PTPRJ: variants seen among roughly 807,000 people sequenced by gnomAD.
PTPRJ encodes protein tyrosine phosphatase receptor type J.
In PTPRJ, 129 loss-of-function variants were observed where a neutral mutation model predicts 141.3. The ratio of observed to expected loss-of-function variants is 0.91; its 90% CI spans 0.79 to 1.06. The LOEUF is 1.06. Among genes scored for constraint, PTPRJ ranks in the 50% least tolerant of loss-of-function variants. The pLI is 0.00. For missense variants in PTPRJ, 1,601 were observed against 1,679.7 expected (o/e 0.95, Z 0.82); for synonymous variants, 610 against 640.5 (o/e 0.95, Z 0.72).
intron 1 of PTPRJ, among the ~76,000 whole-genome samples, chr11:48,056,914 A>G (rs114678042): frequency 7.3e-4 from 111 of 152,380 alleles, no homozygotes; most frequent in African/African-American, 2.7e-3. Context: ...AGATTGTGCT[A>G]TAGCACTCCA....
At chr11:48,061,967 A>G (rs1854944099) in intron 1 of PTPRJ, among the ~76,000 whole-genome samples, 1 of 143,478 alleles carries the variant, frequency 7.0e-6, no homozygotes, top group Admixed American at 7.4e-5. Flanking sequence ...CCCAGACTGG[A>G]GTGCAGTGGT....
intron 1 of PTPRJ, among the ~76,000 whole-genome samples, chr11:48,090,345 G>T (rs1855835541): frequency 6.6e-6 from 1 of 152,182 alleles, no homozygotes; most frequent in South Asian, 2.1e-4. Context: ...AGTAGGAGGT[G>T]GTTTCTCCCT....
chr11:48,130,843 A>G (rs1186629633), intron 8 of PTPRJ, 127 bp downstream of exon 8: 3 of 1,040,156 alleles, frequency 2.9e-6, no homozygotes, highest in Non-Finnish European at 1.3e-6. Flanking sequence ...AAAAATTTTC[A>G]TAACACTAAT....
chr11:47,987,336 A>G (rs1243574457), intron 1 of PTPRJ, among the ~76,000 whole-genome samples: 1 of 152,234 alleles, frequency 6.6e-6, no homozygotes, highest in Admixed American at 6.5e-5. Context: ...TTGTTTAAAT[A>G]TCATAAAAAG....
In PTPRJ at chr11:48,087,438, A is replaced by C. The variant is rs1337042734; in HGVS notation, c.97-22620A>C. Among the ~76,000 whole-genome samples, 3 of 152,218 alleles carry C rather than the reference A, an allele frequency of 2.0e-5. No homozygotes were observed. The East Asian group carries it at 5.8e-4, about 29-fold the overall frequency. ...AAGTACTTTTTATTTAGCATAGTAC[A>C]AAGTTGTGGCCCTCTGTCAACCCTT... On this transcript the variant is annotated intron_variant, in intron 1 of 24. Transcript: ENST00000418331.
At chr11:48,008,315 C>T (rs1439674211) in intron 1 of PTPRJ, among the ~76,000 whole-genome samples, 1 of 152,218 alleles carries the variant, frequency 6.6e-6, no homozygotes, top group Admixed American at 6.5e-5. Context: ...GGCTGGAGTG[C>T]AGTGGCGTGA....
intron 1 of PTPRJ, among the ~76,000 whole-genome samples, chr11:48,001,643 A>G (rs1854501523): frequency 6.6e-6 from 1 of 152,168 alleles, no homozygotes; most frequent in African/African-American, 2.4e-5. Context: ...TGGCTGAGTG[A>G]ATCCTCATGA....
intron 1 of PTPRJ, among the ~76,000 whole-genome samples, chr11:48,098,739 C>T (rs1168095376): frequency 1.6e-4 from 3 of 18,570 alleles, no homozygotes; most frequent in Admixed American, 1.1e-3. Context: ...CAGGATGGTC[C>T]CGATCTCCTG....
chr11:48,116,061 A>G (rs1217511010), intron 3 of PTPRJ, among the ~76,000 whole-genome samples: 1 of 152,172 alleles, frequency 6.6e-6, no homozygotes, highest in Non-Finnish European at 1.5e-5. Context: ...GTAAGTTCTT[A>G]CCTATCAATA....
At chr11:47,985,812 T>C (rs2134172915) in intron 1 of PTPRJ, among the ~76,000 whole-genome samples, 1 of 152,320 alleles carries the variant, frequency 6.6e-6, no homozygotes, top group South Asian at 2.1e-4. Context: ...GCGATTCTCC[T>C]GCCTCAGCCT....
intron 1 of PTPRJ, chr11:48,096,813 T>G (rs190080389): frequency 6.5e-6 from 1 of 154,740 alleles, no homozygotes; most frequent in Non-Finnish European, 1.5e-5. Context: ...GAGGCCCAGA[T>G]TGAAGTTGAA....
At position 48,168,621 on chromosome 11, in the gene PTPRJ, G is replaced by C. The variant is rs974657862; in HGVS notation, c.*1259G>C. 3.8e-5 allele frequency: 5 copies of C among 132,314 alleles called. No individual in the cohort carries two copies. The highest frequency in any genetic ancestry group is 8.7e-5 in the African/African-American group (3 of 34,616). The allele number at this position is 132,314 out of a possible 1,614,324, so 8.2% of individuals were successfully genotyped here. On this transcript the variant is annotated 3_prime_UTR_variant, in exon 25 of 25. Transcript: ENST00000418331. Reference sequence around the variant, plus strand: ...AAAACAGTCATTCCTATGAATTGAGGTGTACAAAGTTTGAATTTGTATCAA... The same window carrying C: ...AAAACAGTCATTCCTATGAATTGAGCTGTACAAAGTTTGAATTTGTATCAA...
At chr11:48,129,557 G>C (rs1856922330) in intron 7 of PTPRJ, among the ~76,000 whole-genome samples, 1 of 152,068 alleles carries the variant, frequency 6.6e-6, no homozygotes, top group Non-Finnish European at 1.5e-5. Flanking sequence ...TACACATTTG[G>C]GGGTGAGGGA....
intron 1 of PTPRJ, among the ~76,000 whole-genome samples, chr11:48,010,360 G>A (rs1322418732): frequency 6.6e-6 from 1 of 151,584 alleles, no homozygotes; most frequent in Non-Finnish European, 1.5e-5. Context: ...TATATTTTTA[G>A]TAGAGATAGG....
chr11:48,078,802 T>G (rs897735700), intron 1 of PTPRJ, among the ~76,000 whole-genome samples: 6 of 144,024 alleles, frequency 4.2e-5, no homozygotes, highest in Admixed American at 4.1e-4. Context: ...ATAGTTTTTT[T>G]TTTTTTTTTT....
intron 1 of PTPRJ, among the ~76,000 whole-genome samples, chr11:48,024,440 C>T (rs918472635): frequency 2.0e-5 from 3 of 152,174 alleles, no homozygotes; most frequent in African/African-American, 7.2e-5. Context: ...TCAAGTGATC[C>T]ACCTGCCTTG....
chr11:48,118,276 G>T (rs1565311325), intron 3 of PTPRJ, among the ~76,000 whole-genome samples: 1 of 151,990 alleles, frequency 6.6e-6, no homozygotes, highest in Non-Finnish European at 1.5e-5. Context: ...GTAGAGATGG[G>T]GTCTCACTGT....
At position 48,155,864 on chromosome 11, in the gene PTPRJ, A is replaced by G. The variant is rs1169188808; in HGVS notation, c.3293A>G (p.Asn1098Ser). 2.5e-6 allele frequency: 4 copies of G among 1,604,688 alleles called. No homozygotes were observed. The highest frequency in any genetic ancestry group is 2.7e-5 in the African/African-American group (2 of 74,708). The change falls in exon 20 of 25, where the codon AAC becomes AGC. Residue 1098 changes from asparagine (N) to serine (S), a missense_variant. Physicochemically the swap from Asn to Ser is conservative, Grantham distance 46. Transcript: ENST00000418331. ...THSTDDYINA[N>S]YMPGYHSKKD... ...TCAACGGATGACTACATCAATGCCA[A>G]CTACATGCCTGTAAGTTGGGGGACG...
chr11:48,134,057 G>A (rs1857034140), intron 8 of PTPRJ, among the ~76,000 whole-genome samples: 1 of 152,164 alleles, frequency 6.6e-6, no homozygotes, highest in Admixed American at 6.6e-5. Context: ...TGTGAATATT[G>A]ATGATACCGA....
Sources: gnomAD v4.1 joint callset for allele counts (sites outside exome capture counted in the v4.1 genomes callset) on GRCh38, gnomAD v4.1.1 for gene constraint, MANE v1.5 for transcripts, NCBI Gene and HGNC (gene_info 2026-07-23, HGNC 2026-07-21) for gene names.